ADGRG2: variants seen among roughly 807,000 people sequenced by gnomAD.
The protein encoded by ADGRG2 is G protein-coupled receptor 64.
ADGRG2 carries 26 observed loss-of-function variants against 74.1 expected under a neutral mutation model. The ratio of observed to expected loss-of-function variants is 0.35; its 90% CI spans 0.26 to 0.49. The LOEUF is 0.49. ADGRG2 is among the 20% of genes least tolerant of loss of function. ADGRG2 has a pLI of 0.99. For missense variants in ADGRG2, 619 were observed against 763.1 expected (o/e 0.81, Z 2.22); for synonymous variants, 296 against 295.2 (o/e 1.00, Z -0.03).
intron 13 of ADGRG2, among the ~76,000 whole-genome samples, chrX:19,021,899 C>T (rs969004521): frequency 9.1e-6 from 1 of 110,088 alleles, no homozygotes; most frequent in African/African-American, 3.3e-5. Context: ...CTGCCCACCT[C>T]GGCCTCCCAA....
chrX:19,086,684 G>A (rs144401549), intron 1 of ADGRG2, among the ~76,000 whole-genome samples: 4 of 111,151 alleles, frequency 3.6e-5, no homozygotes, highest in African/African-American at 1.3e-4. Flanking sequence ...TTGGGAAGGA[G>A]CACAGGTAAC....
At chrX:19,006,306 A>AC in intron 20 of ADGRG2, 41 bp from the exon 21 acceptor site, 1 of 914,380 alleles carries the variant, frequency 1.1e-6, no homozygotes, top group Non-Finnish European at 1.5e-6. Flanking sequence ...AATTTACTGA[A>AC]CTAAAAAAAA....
chrX:19,095,889 T>C (rs1255256609), intron 1 of ADGRG2, among the ~76,000 whole-genome samples: 1 of 110,350 alleles, frequency 9.1e-6, no homozygotes, highest in Non-Finnish European at 1.9e-5. Flanking sequence ...TGTGGGGGCA[T>C]GTGCCAGTAG....
intron 3 of ADGRG2, among the ~76,000 whole-genome samples, chrX:19,047,777 G>A (rs1395695769): frequency 9.0e-6 from 1 of 111,090 alleles, no homozygotes. Flanking sequence ...GGCTCTTAAG[G>A]GCTTGGGATA....
intron 1 of ADGRG2, among the ~76,000 whole-genome samples, chrX:19,112,983 A>G (rs1327487337): frequency 3.2e-5 from 3 of 94,741 alleles, no homozygotes; most frequent in African/African-American, 1.6e-4. Context: ...CAACAAAAAA[A>G]AAACCAAAAA....
At position 19,007,143 on chromosome X, in the gene ADGRG2, G is replaced by A. The variant is rs2060252426; in HGVS notation, c.1689+92C>T. ...TCCAGCTGAGCTGAAGGTTCTTTCT[G>A]CCTGATCTGCCTTTTGCCGGCCATG... On this transcript the variant is annotated intron_variant, in intron 20 of 28. Coordinates refer to ENST00000379869, the MANE Select transcript of ADGRG2 (RefSeq NM_001079858.3). 3.7e-5 allele frequency: 35 copies of A among 942,572 alleles called. 1 individual carries two copies. In the South Asian group the frequency reaches 5.8e-4, roughly 16 times the overall value. The allele number at this position is 942,572 out of a possible 1,213,427, so 77.7% of individuals were successfully genotyped here.
At chrX:19,001,167 C>T (rs756062885) in intron 24 of ADGRG2, among the ~76,000 whole-genome samples, 1 of 111,629 alleles carries the variant, frequency 9.0e-6, no homozygotes, top group South Asian at 3.8e-4. Context: ...GGGTTCTGTC[C>T]TGGCTGATCC....
chrX:19,068,899 C>T, intron 2 of ADGRG2, 64 bp from the exon 3 acceptor site: 1 of 521,669 alleles, frequency 1.9e-6, no homozygotes, highest in Non-Finnish European at 3.2e-6. Context: ...AGCAATACCT[C>T]AAAGGTCATT....
intron 10 of ADGRG2, 52 bp from the exon 11 acceptor site, chrX:19,027,326 T>A (rs2060726643): frequency 2.6e-6 from 2 of 774,278 alleles, no homozygotes; most frequent in African/African-American, 4.0e-5. Context: ...TTTTGTTTTT[T>A]CACTCTCTAA....
At chrX:19,051,514 T>C (rs2061321670) in intron 3 of ADGRG2, among the ~76,000 whole-genome samples, 1 of 111,874 alleles carries the variant, frequency 8.9e-6, no homozygotes. Flanking sequence ...CACAAGTTCT[T>C]CCAGAACTTT....
intron 28 of ADGRG2, among the ~76,000 whole-genome samples, chrX:18,994,353 G>A (rs1389632590): frequency 1.8e-5 from 2 of 110,674 alleles, no homozygotes; most frequent in African/African-American, 3.3e-5. Context: ...GCTGGGCATC[G>A]TGGCGGTCAC....
intron 1 of ADGRG2, among the ~76,000 whole-genome samples, chrX:19,094,536 GGGCTTTGCCTACCTTGAT>G (rs2062064761): frequency 9.0e-6 from 1 of 111,307 alleles, no homozygotes; most frequent in Admixed American, 9.5e-5. Context: ...TCCCAAGGAA[GGGCTTTGCCTACCTTGAT>G]GGGTTTGCTG....
chrX:19,091,223 A>G (rs887116926), intron 1 of ADGRG2, among the ~76,000 whole-genome samples: 5 of 111,380 alleles, frequency 4.5e-5, no homozygotes, highest in Non-Finnish European at 9.4e-5. Context: ...TGGCCAAGGT[A>G]AGGATTTGCA....
Position 19,042,990 on chromosome X carries a change from C to CA in ADGRG2, c.119-2767dup, listed in dbSNP as rs200782656. 7.1e-3 allele frequency among the ~76,000 whole-genome samples: 712 copies of CA among 100,156 alleles called. 4 individuals are homozygous for CA. Among genetic ancestry groups the CA allele is most frequent in the African/African-American group, 0.023 (633 of 27,584 alleles). The allele number at this position is 100,156 out of a possible 115,157, so 87.0% of individuals were successfully genotyped here. On this transcript the variant is annotated intron_variant, in intron 3 of 28. Transcript: ENST00000379869. ...TGGGCGACGGAGCCAAACTCTGTTT[C>CA]AAAAAAAAAAAGTAGATGAGGGGTT...
At chrX:19,005,738 A>T (rs756308942) in intron 22 of ADGRG2, among the ~76,000 whole-genome samples, 1 of 111,169 alleles carries the variant, frequency 9.0e-6, no homozygotes, top group South Asian at 3.8e-4. Context: ...TTTTTAGTAG[A>T]GACGGGGTTT....
intron 2 of ADGRG2, among the ~76,000 whole-genome samples, chrX:19,081,116 C>A (rs1341649191): frequency 9.1e-6 from 1 of 110,239 alleles, no homozygotes; most frequent in Admixed American, 9.8e-5. Context: ...TTTTTTAAAA[C>A]AACAAACAAA....
intron 1 of ADGRG2, among the ~76,000 whole-genome samples, chrX:19,112,557 T>A (rs1176745206): frequency 1.9e-5 from 2 of 107,846 alleles, no homozygotes; most frequent in African/African-American, 6.8e-5. Flanking sequence ...GAGAAGGATA[T>A]AATGTCATCC....
intron 2 of ADGRG2, among the ~76,000 whole-genome samples, chrX:19,075,442 C>T (rs1475588549): frequency 9.3e-6 from 1 of 107,719 alleles, no homozygotes; most frequent in Admixed American, 1.0e-4. Flanking sequence ...CGAGGCGGAA[C>T]CCCCGTCTCT....
chrX:19,079,908 G>GT (rs2061814858), intron 2 of ADGRG2, among the ~76,000 whole-genome samples: 1 of 104,777 alleles, frequency 9.5e-6, no homozygotes, highest in Admixed American at 1.1e-4. Flanking sequence ...GTCTGGTTTG[G>GT]TTTTTGTTTT....
Sources: allele counts gnomAD v4.1 joint callset (sites outside exome capture counted in the v4.1 genomes callset), GRCh38; gene constraint gnomAD v4.1.1; transcripts MANE v1.5; gene names NCBI Gene and HGNC (gene_info 2026-07-23, HGNC 2026-07-21).